The following CDK19 variants were observed in gnomAD, a reference collection of about 807,000 sequenced individuals.
CDK19 encodes cyclin-dependent kinase 19.
CDK19 carries 20 observed loss-of-function variants against 68.3 expected under a neutral mutation model. The ratio of observed to expected loss-of-function variants is 0.29; its 90% CI spans 0.21 to 0.43. CDK19 has a LOEUF of 0.43. CDK19 is among the 20% of genes least tolerant of loss of function. CDK19 has a pLI of 1.00. For synonymous variants in CDK19, 221 were observed against 222.8 expected, an observed-to-expected ratio of 0.99 and a Z score of 0.07; for missense variants, 339 against 623.5, an observed-to-expected ratio of 0.54 and a Z score of 4.86.
chr6:110,755,970 T>A (rs753520969), intron 1 of CDK19, among the ~76,000 whole-genome samples: 1 of 151,820 alleles, frequency 6.6e-6, no homozygotes, highest in Admixed American at 6.6e-5. Context: ...AAAATATATA[T>A]CTATTATGGC....
intron 2 of CDK19, among the ~76,000 whole-genome samples, chr6:110,714,775 C>A (rs1343992902): frequency 6.7e-6 from 1 of 148,876 alleles, no homozygotes; most frequent in Non-Finnish European, 1.5e-5. Flanking sequence ...ACTCTGTCGC[C>A]CAGGCTAGAG....
At chr6:110,738,394 C>T (rs1777409471) in intron 2 of CDK19, among the ~76,000 whole-genome samples, 1 of 151,742 alleles carries the variant, frequency 6.6e-6, no homozygotes, top group East Asian at 1.9e-4. Context: ...GTGGCACATG[C>T]TTGTAATCCC....
chr6:110,762,054 G>A (rs755407967), intron 1 of CDK19, among the ~76,000 whole-genome samples: 3 of 152,072 alleles, frequency 2.0e-5, no homozygotes, highest in Admixed American at 6.6e-5. Context: ...GATAACTCTG[G>A]AGTTATGCAA....
At chr6:110,812,105 CA>C (rs1783147578) in intron 1 of CDK19, among the ~76,000 whole-genome samples, 1 of 150,996 alleles carries the variant, frequency 6.6e-6, no homozygotes. Context: ...TCCTGCAAAA[CA>C]AAAAGGTGAA....
chr6:110,812,070 G>A (rs1283229576), intron 1 of CDK19, among the ~76,000 whole-genome samples: 1 of 151,742 alleles, frequency 6.6e-6, no homozygotes. Flanking sequence ...TAAATAAAAA[G>A]GAGAGTTGGG....
chr6:110,679,998 C>T (rs933458184), intron 2 of CDK19, among the ~76,000 whole-genome samples: 11 of 152,218 alleles, frequency 7.2e-5, no homozygotes, highest in Middle Eastern at 3.4e-3. Context: ...CCAGTAATGG[C>T]CTGTAACCTA....
intron 2 of CDK19, among the ~76,000 whole-genome samples, chr6:110,702,187 TG>T (rs1274869006): frequency 2.6e-5 from 4 of 152,136 alleles, no homozygotes; most frequent in African/African-American, 9.7e-5. Flanking sequence ...GGCTCATGCC[TG>T]TAATTCCAGC....
chr6:110,633,548 G>T (rs1779578960), intron 5 of CDK19, among the ~76,000 whole-genome samples: 1 of 152,114 alleles, frequency 6.6e-6, no homozygotes, highest in African/African-American at 2.4e-5. Flanking sequence ...AAGATAATTT[G>T]TTATAATTCG....
At position 110,654,099 on chromosome 6, in the gene CDK19, C is replaced by T. The variant is rs77294689; in HGVS notation, c.456+13335G>A. Among the ~76,000 whole-genome samples the T allele has an allele frequency of 3.9e-3, 587 of 152,202 alleles. 21 individuals are homozygous for T. The East Asian group carries it at 0.065, about 17-fold the overall frequency. On this transcript the variant is annotated intron_variant, in intron 4 of 12. Transcript: ENST00000368911. ...TAGTTTCTGAAACAATGAACAGTGC[C>T]GGCTTGATATTAATGGCTACAACTA...
At chr6:110,659,450 T>A (rs552115826) in intron 4 of CDK19, among the ~76,000 whole-genome samples, 1 of 152,248 alleles carries the variant, frequency 6.6e-6, no homozygotes, top group Non-Finnish European at 1.5e-5. Flanking sequence ...TCAATGCCTC[T>A]TGGCTAGCTG....
chr6:110,766,090 C>A (rs1290871827), intron 1 of CDK19, among the ~76,000 whole-genome samples: 6 of 152,300 alleles, frequency 3.9e-5, no homozygotes, highest in African/African-American at 1.4e-4. Flanking sequence ...AGCAATCCCA[C>A]TACTTGGTAT....
intron 2 of CDK19, among the ~76,000 whole-genome samples, chr6:110,687,099 G>A (rs1424663827): frequency 6.6e-6 from 1 of 152,078 alleles, no homozygotes; most frequent in African/African-American, 2.4e-5. Context: ...TACTAAACAA[G>A]CTATCAGGTA....
chr6:110,751,494 C>A (rs1223067003), intron 1 of CDK19, among the ~76,000 whole-genome samples: 1 of 152,036 alleles, frequency 6.6e-6, no homozygotes, highest in Non-Finnish European at 1.5e-5. Flanking sequence ...ACACAGGACT[C>A]CTGCTGATTC....
intron 1 of CDK19, among the ~76,000 whole-genome samples, chr6:110,773,360 C>T (rs1177986788): frequency 6.9e-6 from 1 of 144,142 alleles, no homozygotes; most frequent in African/African-American, 2.5e-5. Flanking sequence ...AAAAAAAAAA[C>T]AAGTTATCAA....
intron 4 of CDK19, among the ~76,000 whole-genome samples, chr6:110,650,718 G>A (rs930751807): frequency 5.9e-5 from 9 of 152,242 alleles, no homozygotes; most frequent in Admixed American, 2.0e-4. Flanking sequence ...AAAGCAAAAC[G>A]GGGGATATCT....
At chr6:110,623,852 A>G (rs996268845) in intron 8 of CDK19, among the ~76,000 whole-genome samples, 17 of 145,646 alleles carry the variant, frequency 1.2e-4, no homozygotes, top group African/African-American at 4.0e-4. Context: ...ACATATATAC[A>G]TATATATACA....
chr6:110,805,973 C>CAA (rs34834440), intron 1 of CDK19, among the ~76,000 whole-genome samples: 1,702 of 95,344 alleles, frequency 0.018, 41 homozygotes, highest in African/African-American at 0.06. Context: ...TAACACTTCT[C>CAA]AAAAAAAAAA....
At chr6:110,720,160 G>T (rs1035187622) in intron 2 of CDK19, among the ~76,000 whole-genome samples, 1 of 151,976 alleles carries the variant, frequency 6.6e-6, no homozygotes, top group African/African-American at 2.4e-5. Flanking sequence ...TTTGATACTT[G>T]TTCTTTACAG....
chr6:110,627,167 T>G, intron 6 of CDK19, 22 bp from the exon 7 acceptor site: 1 of 1,571,346 alleles, frequency 6.4e-7, no homozygotes, highest in South Asian at 1.1e-5. Context: ...GAAACATAAG[T>G]TTTTGTATAT....
Sources: allele counts gnomAD v4.1 joint callset (sites outside exome capture counted in the v4.1 genomes callset), GRCh38; gene constraint gnomAD v4.1.1; transcripts MANE v1.5; gene names NCBI Gene and HGNC (gene_info 2026-07-23, HGNC 2026-07-21).